The following MACROD2 variants were observed in gnomAD, a reference collection of about 807,000 sequenced individuals.
MACROD2 encodes the protein mono-ADP ribosylhydrolase 2.
In MACROD2, 36 loss-of-function variants were observed where a neutral mutation model predicts 70.4. The ratio of observed to expected loss-of-function variants is 0.51; its 90% CI spans 0.39 to 0.68. The LOEUF is 0.68. MACROD2 is among the 30% of genes least tolerant of loss of function. MACROD2 has a pLI of 0.00. For missense variants in MACROD2, 496 were observed against 538.4 expected, an observed-to-expected ratio of 0.92 and a Z score of 0.78; for synonymous variants, 172 against 178.8, an observed-to-expected ratio of 0.96 and a Z score of 0.30.
intron 6 of MACROD2, among the ~76,000 whole-genome samples, chr20:15,268,378 G>T (rs1013946315): frequency 1.3e-5 from 2 of 152,184 alleles, no homozygotes; most frequent in African/African-American, 4.8e-5. Context: ...GAGGGCCAGC[G>T]CAGTGGCTCA....
chr20:14,071,282 A>G (rs1444597226), intron 2 of MACROD2, among the ~76,000 whole-genome samples: 10 of 24,402 alleles, frequency 4.1e-4, no homozygotes, highest in Non-Finnish European at 3.4e-4. Context: ...TTTTTTTGAG[A>G]TGGAGTCTTG....
intron 6 of MACROD2, among the ~76,000 whole-genome samples, chr20:15,301,359 C>T (rs1419633711): frequency 2.6e-5 from 4 of 152,248 alleles, no homozygotes; most frequent in East Asian, 1.9e-4. Context: ...TGAGCCAGCA[C>T]GGGGCCTGGT....
intron 5 of MACROD2, among the ~76,000 whole-genome samples, chr20:14,945,419 C>G (rs896114301): frequency 6.6e-6 from 1 of 152,108 alleles, no homozygotes; most frequent in African/African-American, 2.4e-5. Flanking sequence ...AAACACTGGA[C>G]CAGCATTCTG....
chr20:15,982,761 A>G (rs949185482), intron 13 of MACROD2, among the ~76,000 whole-genome samples: 5 of 152,240 alleles, frequency 3.3e-5, no homozygotes, highest in African/African-American at 9.6e-5. Context: ...TTAGTCTAGC[A>G]TTCATTAGCT....
At chr20:14,245,758 C>T (rs1296447940) in intron 3 of MACROD2, among the ~76,000 whole-genome samples, 1 of 152,086 alleles carries the variant, frequency 6.6e-6, no homozygotes, top group Non-Finnish European at 1.5e-5. Flanking sequence ...GATCATTGTC[C>T]TGTTCCCATT....
Position 14,776,412 on chromosome 20 carries a change from T to C in MACROD2, c.418+91453T>C, listed in dbSNP as rs575515369. Among the ~76,000 whole-genome samples, 13 of 152,140 alleles carry C rather than the reference T, an allele frequency of 8.5e-5. 1 individual carries two copies. The highest frequency in any genetic ancestry group is 1.6e-4 in the Non-Finnish European group (11 of 67,984). On this transcript the variant is annotated intron_variant, in intron 5 of 17. Transcript: ENST00000684519. ...AGGCTGTTGGTGAGGTTGAATGAGATAAGGTTGATGAAAGGAACCTCAATA... is the reference window on the plus strand; with the variant it reads ...AGGCTGTTGGTGAGGTTGAATGAGACAAGGTTGATGAAAGGAACCTCAATA...
chr20:14,320,579 C>A (rs1340660594), intron 3 of MACROD2, among the ~76,000 whole-genome samples: 1 of 152,052 alleles, frequency 6.6e-6, no homozygotes, highest in Admixed American at 6.6e-5. Flanking sequence ...CCTTCATGGA[C>A]CCTGTATTTC....
chr20:15,706,293 A>G (rs2050530928), intron 8 of MACROD2, among the ~76,000 whole-genome samples: 1 of 152,172 alleles, frequency 6.6e-6, no homozygotes, highest in African/African-American at 2.4e-5. Flanking sequence ...AAGTCTCTTA[A>G]CTTCTGTTAG....
chr20:15,050,512 T>C (rs978535043), intron 5 of MACROD2, among the ~76,000 whole-genome samples: 3 of 151,142 alleles, frequency 2.0e-5, no homozygotes, highest in African/African-American at 7.3e-5. Context: ...ACTGTTGTCT[T>C]TTTACACTTT....
intron 4 of MACROD2, among the ~76,000 whole-genome samples, chr20:14,595,311 A>T (rs1157617515): frequency 6.6e-6 from 1 of 151,998 alleles, no homozygotes; most frequent in Non-Finnish European, 1.5e-5. Flanking sequence ...ATACACAGTG[A>T]CTCTCCACAA....
intron 5 of MACROD2, among the ~76,000 whole-genome samples, chr20:14,980,973 TCTC>T (rs1330655119): frequency 6.6e-6 from 1 of 152,014 alleles, no homozygotes; most frequent in Non-Finnish European, 1.5e-5. Flanking sequence ...CTTGAGTTCT[TCTC>T]CTCTCTCATC....
intron 3 of MACROD2, among the ~76,000 whole-genome samples, chr20:14,344,859 A>G (rs1001197310): frequency 6.6e-6 from 1 of 152,236 alleles, no homozygotes; most frequent in East Asian, 1.9e-4. Context: ...GAAGCAACAC[A>G]CAACTGTTTG....
At chr20:14,931,335 G>C (rs1484820575) in intron 5 of MACROD2, among the ~76,000 whole-genome samples, 1 of 152,132 alleles carries the variant, frequency 6.6e-6, no homozygotes, top group Non-Finnish European at 1.5e-5. Flanking sequence ...TATATAGCAT[G>C]TTCACTTAGC....
At chr20:15,976,217 T>A (rs1454665992) in intron 13 of MACROD2, among the ~76,000 whole-genome samples, 2 of 152,222 alleles carry the variant, frequency 1.3e-5, no homozygotes, top group African/African-American at 2.4e-5. Flanking sequence ...CCAATTTTTA[T>A]GCAAATTAAT....
intron 5 of MACROD2, among the ~76,000 whole-genome samples, chr20:14,945,181 G>GC (rs2074421339): frequency 6.6e-6 from 1 of 151,268 alleles, no homozygotes; most frequent in Non-Finnish European, 1.5e-5. Context: ...CAGTGGGCCT[G>GC]ATCTTGGCTC....
At chr20:15,909,114 A>G (rs1001891146) in intron 10 of MACROD2, among the ~76,000 whole-genome samples, 1 of 152,110 alleles carries the variant, frequency 6.6e-6, no homozygotes, top group Non-Finnish European at 1.5e-5. Context: ...TCTCTTACTC[A>G]CTTGTCTGAG....
intron 5 of MACROD2, among the ~76,000 whole-genome samples, chr20:14,771,436 T>C (rs1227306331): frequency 1.3e-5 from 2 of 152,010 alleles, no homozygotes; most frequent in Non-Finnish European, 2.9e-5. Flanking sequence ...ATATTTTTAA[T>C]AGAAGAACAA....
At chr20:15,028,683 G>A (rs1215797921) in intron 5 of MACROD2, among the ~76,000 whole-genome samples, 1 of 152,162 alleles carries the variant, frequency 6.6e-6, no homozygotes, top group Non-Finnish European at 1.5e-5. Flanking sequence ...AGGTCTTACA[G>A]AGGAAGCCAT....
chr20:15,937,152 T>C (rs2065676840), intron 11 of MACROD2, among the ~76,000 whole-genome samples: 1 of 152,152 alleles, frequency 6.6e-6, no homozygotes, highest in African/African-American at 2.4e-5. Flanking sequence ...TCACAATCTG[T>C]TATCAAGAAA....
Sources: gnomAD v4.1 joint callset for allele counts (sites outside exome capture counted in the v4.1 genomes callset) on GRCh38, gnomAD v4.1.1 for gene constraint, MANE v1.5 for transcripts, NCBI Gene and HGNC (gene_info 2026-07-23, HGNC 2026-07-21) for gene names.